GRB10: variants seen among roughly 807,000 people sequenced by gnomAD.
The protein encoded by GRB10 is growth factor receptor-bound protein 10.
In GRB10, 20 loss-of-function variants were observed where a neutral mutation model predicts 80.9. The ratio of observed to expected loss-of-function variants is 0.25; its 90% CI spans 0.17 to 0.36. The LOEUF is 0.36. Among genes scored for constraint, GRB10 ranks in the 10% least tolerant of loss-of-function variants. The probability of loss-of-function intolerance (pLI) is 1.00; values close to 1 mark genes in which losing one functional copy is unlikely to be tolerated. For missense variants in GRB10, 548 were observed against 747.7 expected (o/e 0.73, Z 3.12); for synonymous variants, 291 against 291.5 (o/e 1.00, Z 0.02).
intron 5 of GRB10, among the ~76,000 whole-genome samples, chr7:50,691,370 A>G (rs1276797989): frequency 6.6e-6 from 1 of 152,158 alleles, no homozygotes; most frequent in Non-Finnish European, 1.5e-5. Context: ...GCCACTCTCA[A>G]GGGCTGTGAT....
chr7:50,673,141 C>T (rs1171324011), intron 6 of GRB10, among the ~76,000 whole-genome samples: 99 of 152,234 alleles, frequency 6.5e-4, no homozygotes, highest in Non-Finnish European at 1.2e-4. Context: ...GCAAGAAGAG[C>T]CCAGGAAATG....
At chr7:50,603,835 G>A (rs2048044883) in intron 17 of GRB10, among the ~76,000 whole-genome samples, 163 bp downstream of exon 17, 1 of 152,240 alleles carries the variant, frequency 6.6e-6, no homozygotes, top group Admixed American at 6.5e-5. Flanking sequence ...AGCTGGGCAA[G>A]CCCTGCGTAC....
At chr7:50,689,700 G>A (rs113904011) in intron 5 of GRB10, among the ~76,000 whole-genome samples, 286 of 152,096 alleles carry the variant, frequency 1.9e-3, no homozygotes, top group African/African-American at 6.5e-3. Context: ...CTTAAAGATG[G>A]GATTAATTCA....
At chr7:50,618,204 A>G in intron 9 of GRB10, 65 bp from the exon 10 acceptor site, 1 of 1,186,742 alleles carries the variant, frequency 8.4e-7, no homozygotes. Context: ...GGTATGTCAT[A>G]TAGATATGTC....
intron 3 of GRB10, among the ~76,000 whole-genome samples, chr7:50,737,440 G>A (rs2070991422): frequency 6.6e-6 from 1 of 152,176 alleles, no homozygotes; most frequent in Non-Finnish European, 1.5e-5. Context: ...AGTTCCCTGA[G>A]GCCTCCCCAG....
chr7:50,633,978 T>C (rs936117395), intron 7 of GRB10, among the ~76,000 whole-genome samples: 14 of 152,164 alleles, frequency 9.2e-5, no homozygotes. Flanking sequence ...GGGAAATAAT[T>C]CAGGAAAATT....
chr7:50,727,102 C>T (rs1258148540), intron 4 of GRB10: 1 of 152,162 alleles, frequency 6.6e-6, no homozygotes, highest in African/African-American at 2.4e-5. Context: ...TGAAGGTACC[C>T]AATTCACAGA....
intron 3 of GRB10, among the ~76,000 whole-genome samples, chr7:50,752,362 A>G (rs1174180113): frequency 1.3e-5 from 2 of 152,222 alleles, no homozygotes. Flanking sequence ...TCTCTTTCCT[A>G]CGGGAAAGGC....
chr7:50,689,816 GT>G (rs1246265025), intron 5 of GRB10, among the ~76,000 whole-genome samples: 68 of 146,480 alleles, frequency 4.6e-4, no homozygotes, highest in Admixed American at 7.5e-4. Flanking sequence ...ATGACAGAGG[GT>G]TTTTTTTTTT....
rs1194038498 is a variant in GRB10, at chr7:50,782,220, G to A, written c.-327+204C>T. Among the ~76,000 whole-genome samples the A allele has an allele frequency of 1.3e-5, 2 of 152,034 alleles. No homozygotes were observed. Among genetic ancestry groups the A allele is most frequent in the Non-Finnish European group, 2.9e-5 (2 of 67,952 alleles). On this transcript the variant is annotated intron_variant, in intron 1 of 18. Transcript: ENST00000401949. The surrounding 1 kb of genome is among the most constrained non-coding windows in gnomAD (Gnocchi z 6.6). ...ATACTGTCCTATGGCTGGCGGCAACGAAGCTCGGGATCTCGGACTGCAGCG... is the reference window on the plus strand; with the variant it reads ...ATACTGTCCTATGGCTGGCGGCAACAAAGCTCGGGATCTCGGACTGCAGCG...
Position 50,648,404 on chromosome 7 carries a change from G to A in GRB10, c.504+21318C>T, listed in dbSNP as rs76315514. 3.2e-3 allele frequency among the ~76,000 whole-genome samples: 482 copies of A among 152,254 alleles called. 2 individuals carry two copies. The highest frequency in any genetic ancestry group is 0.011 in the African/African-American group (446 of 41,540). ...GGGACAAAAGCTGGGCTGCTGGAAC[G>A]TTTTTAAAAAGGTTTAAAAAGGAGC... is the stretch of plus-strand genomic sequence containing the variant. On this transcript the variant is annotated intron_variant, in intron 7 of 18. Transcript: ENST00000401949.
At chr7:50,630,852 A>G (rs2237442) in intron 7 of GRB10, among the ~76,000 whole-genome samples, 40,270 of 152,198 alleles carry the variant, frequency 0.26, 6,644 homozygotes, top group Middle Eastern at 0.5. Context: ...ATCCCGTTAT[A>G]AAAGCCCTGA....
At chr7:50,752,930 A>T (rs913712520) in intron 3 of GRB10, among the ~76,000 whole-genome samples, 1 of 152,232 alleles carries the variant, frequency 6.6e-6, no homozygotes, top group Non-Finnish European at 1.5e-5. Context: ...AAACGCTCAG[A>T]GGTCTCTTTG....
intron 4 of GRB10, among the ~76,000 whole-genome samples, chr7:50,726,591 A>T (rs1362431117): frequency 2.0e-5 from 3 of 152,146 alleles, no homozygotes; most frequent in Admixed American, 2.0e-4. Flanking sequence ...TTATTTACTT[A>T]TCTGTCATAT....
intron 7 of GRB10, among the ~76,000 whole-genome samples, chr7:50,658,601 C>T (rs1256270011): frequency 2.6e-5 from 4 of 152,228 alleles, no homozygotes; most frequent in Non-Finnish European, 2.9e-5. Flanking sequence ...CTGTGAAAGA[C>T]GTATATAATT....
At chr7:50,722,905 C>T (rs780613151) in intron 4 of GRB10, among the ~76,000 whole-genome samples, 1 of 152,042 alleles carries the variant, frequency 6.6e-6, no homozygotes, top group Non-Finnish European at 1.5e-5. Flanking sequence ...TCTCTAGATG[C>T]CCTGGCACTC....
At chr7:50,758,141 G>A (rs1019236334) in intron 2 of GRB10, among the ~76,000 whole-genome samples, 4 of 152,052 alleles carry the variant, frequency 2.6e-5, no homozygotes, top group African/African-American at 7.2e-5. Flanking sequence ...CTCAGTGTCC[G>A]CCCATCAACA....
rs145764405 is a variant in GRB10 at position 50,711,369 on chromosome 7, TC to T, written c.52-7462del. Among the ~76,000 whole-genome samples the T allele has an allele frequency of 2.8e-3, 430 of 152,122 alleles. 5 individuals are homozygous for T. Among genetic ancestry groups the T allele is most frequent in the African/African-American group, 0.01 (423 of 41,504 alleles). ...CGGGTCCCAGAGCTCCCTGGGGCCT[TC>T]CTGCAGGCAGTTTCCCAAACCCCTC... is the stretch of plus-strand genomic sequence containing the variant. On this transcript the variant is annotated intron_variant, in intron 4 of 18. Transcript: ENST00000401949.
intron 4 of GRB10, among the ~76,000 whole-genome samples, chr7:50,705,748 G>A (rs1036439536): frequency 1.3e-5 from 2 of 152,246 alleles, no homozygotes; most frequent in Non-Finnish European, 2.9e-5. Context: ...TAGAAGTGTA[G>A]TGTAATTCAT....
Sources: gnomAD v4.1 joint callset for allele counts (sites outside exome capture counted in the v4.1 genomes callset) on GRCh38, gnomAD v4.1.1 for gene constraint, Gnocchi (gnomAD v3.1) non-coding constraint, MANE v1.5 for transcripts, NCBI Gene and HGNC (gene_info 2026-07-23, HGNC 2026-07-21) for gene names.